Variants in DRC11 observed in about 807,000 individuals in gnomAD.
DRC11 encodes the protein dynein regulatory complex subunit 11, also known as IQ and AAA domain-containing protein 1.
chr2:236,336,230 A>G, the DRC11 span, among the ~76,000 whole-genome samples: 2 of 152,216 alleles, frequency 1.3e-5, no homozygotes, highest in African/African-American at 4.8e-5. This position sits in a 1 kb window ranked among gnomAD's most constrained non-coding sequence, Gnocchi z 7.3. Flanking sequence ...GTGGCTAATA[A>G]GCTAGCTGTT....
chr2:236,380,961 A>G, the DRC11 span, among the ~76,000 whole-genome samples: 3 of 152,208 alleles, frequency 2.0e-5, no homozygotes, highest in Non-Finnish European at 2.9e-5. The surrounding 1 kb of genome is among the most constrained non-coding windows in gnomAD (Gnocchi z 4.9). Flanking sequence ...TGCCGTGTGC[A>G]CATACAGGAG....
the DRC11 span, chr2:236,331,302 G>A: frequency 2.5e-6 from 3 of 1,210,474 alleles, no homozygotes; most frequent in Non-Finnish European, 3.7e-6. This position sits in a 1 kb window ranked among gnomAD's most constrained non-coding sequence, Gnocchi z 4.8. Flanking sequence ...TGCAGAGGGA[G>A]GAGGCAGCGT....
chr2:236,416,632 A>G, the DRC11 span, among the ~76,000 whole-genome samples: 10 of 148,856 alleles, frequency 6.7e-5, no homozygotes, highest in Non-Finnish European at 1.3e-4. Flanking sequence ...TGTGAAAGGA[A>G]CCACTGCCTT....
the DRC11 span, among the ~76,000 whole-genome samples, chr2:236,472,053 T>G: frequency 1.3e-5 from 2 of 151,884 alleles, no homozygotes; most frequent in Non-Finnish European, 2.9e-5. This position sits in a 1 kb window ranked among gnomAD's most constrained non-coding sequence, Gnocchi z 4.6. Flanking sequence ...AAACCAGAGG[T>G]TCCCAAGTAA....
the DRC11 span, among the ~76,000 whole-genome samples, chr2:236,385,287 C>T: frequency 6.8e-6 from 1 of 146,376 alleles, no homozygotes; most frequent in Non-Finnish European, 1.5e-5. Context: ...TTCTTCCTAC[C>T]CATGAGCATG....
chr2:236,352,563 G>A, the DRC11 span, among the ~76,000 whole-genome samples: 1 of 152,138 alleles, frequency 6.6e-6, no homozygotes, highest in Non-Finnish European at 1.5e-5. This position sits in a 1 kb window ranked among gnomAD's most constrained non-coding sequence, Gnocchi z 7.0. Flanking sequence ...AGAGTTTGTG[G>A]AAAAGCAGTG....
chr2:236,473,950 T>C, the DRC11 span, among the ~76,000 whole-genome samples: 1 of 152,178 alleles, frequency 6.6e-6, no homozygotes, highest in Non-Finnish European at 1.5e-5. This position sits in a 1 kb window ranked among gnomAD's most constrained non-coding sequence, Gnocchi z 4.8. Context: ...GATAAGTCAA[T>C]GATTTCTACA....
chr2:236,489,603 A>T, the DRC11 span, among the ~76,000 whole-genome samples: 3 of 152,222 alleles, frequency 2.0e-5, no homozygotes, highest in Middle Eastern at 3.4e-3. Flanking sequence ...ATGGAAGCAG[A>T]AGGGACAGAT....
At chr2:236,379,250 C>A in the DRC11 span, among the ~76,000 whole-genome samples, 2 of 143,754 alleles carry the variant, frequency 1.4e-5, no homozygotes, top group South Asian at 4.5e-4. Flanking sequence ...CTAAGGGAAG[C>A]GGAGGGAACC....
chr2:236,472,987 G>C, the DRC11 span, among the ~76,000 whole-genome samples: 1 of 152,088 alleles, frequency 6.6e-6, no homozygotes, highest in African/African-American at 2.4e-5. This position sits in a 1 kb window ranked among gnomAD's most constrained non-coding sequence, Gnocchi z 4.6. Flanking sequence ...GGACATGTAG[G>C]GAACAGCCCT....
At chr2:236,454,594 T>A in the DRC11 span, 1 of 152,210 alleles carries the variant, frequency 6.6e-6, no homozygotes, top group Non-Finnish European at 1.5e-5. The surrounding 1 kb of genome is among the most constrained non-coding windows in gnomAD (Gnocchi z 5.3). Flanking sequence ...TCAGTCTCCC[T>A]CTGTCTTTCT....
At chr2:236,323,646 T>G in the DRC11 span, among the ~76,000 whole-genome samples, 2 of 152,212 alleles carry the variant, frequency 1.3e-5, no homozygotes, top group Admixed American at 6.5e-5. The surrounding 1 kb of genome is among the most constrained non-coding windows in gnomAD (Gnocchi z 6.4). Flanking sequence ...AAAACCTGGA[T>G]GCCTGACCTG....
At chr2:236,343,507 C>T in the DRC11 span, among the ~76,000 whole-genome samples, 1 of 152,188 alleles carries the variant, frequency 6.6e-6, no homozygotes, top group Non-Finnish European at 1.5e-5. This position sits in a 1 kb window ranked among gnomAD's most constrained non-coding sequence, Gnocchi z 6.6. Flanking sequence ...TCACTGCTGG[C>T]CTGAGTTCCA....
chr2:236,420,396 T>A, the DRC11 span, among the ~76,000 whole-genome samples: 1 of 152,038 alleles, frequency 6.6e-6, no homozygotes, highest in Non-Finnish European at 1.5e-5. The surrounding 1 kb of genome is among the most constrained non-coding windows in gnomAD (Gnocchi z 4.8). Flanking sequence ...CATACTCCAG[T>A]CTCAGGTACA....
chr2:236,379,076 A>C, the DRC11 span, among the ~76,000 whole-genome samples: 1,122 of 152,296 alleles, frequency 7.4e-3, 17 homozygotes, highest in African/African-American at 0.025. Flanking sequence ...CCTGGAGGCC[A>C]CAGATGCCCA....
chr2:236,361,515 T>C, the DRC11 span, among the ~76,000 whole-genome samples: 1 of 152,160 alleles, frequency 6.6e-6, no homozygotes, highest in Non-Finnish European at 1.5e-5. This position sits in a 1 kb window ranked among gnomAD's most constrained non-coding sequence, Gnocchi z 5.7. Flanking sequence ...ATGTAAAATG[T>C]ATAATAAGAA....
the DRC11 span, among the ~76,000 whole-genome samples, chr2:236,384,094 T>C: frequency 6.6e-6 from 1 of 152,076 alleles, no homozygotes. Context: ...TTCCAAGTCT[T>C]TGCTATTGTG....
At chr2:236,371,674 C>T in the DRC11 span, among the ~76,000 whole-genome samples, 137 of 152,294 alleles carry the variant, frequency 9.0e-4, no homozygotes, top group African/African-American at 3.2e-3. This position sits in a 1 kb window ranked among gnomAD's most constrained non-coding sequence, Gnocchi z 5.1. Flanking sequence ...AGGTGTCTCA[C>T]GTCATTTTTG....
the DRC11 span, among the ~76,000 whole-genome samples, chr2:236,382,462 A>C: frequency 6.6e-6 from 1 of 152,178 alleles, no homozygotes; most frequent in East Asian, 1.9e-4. Flanking sequence ...TTTTAGAATA[A>C]ATTTGTCTAT....
Sources: gnomAD v4.1 joint callset for allele counts (sites outside exome capture counted in the v4.1 genomes callset) on GRCh38, gnomAD v4.1.1 for gene constraint, Gnocchi (gnomAD v3.1) non-coding constraint, MANE v1.5 for transcripts, NCBI Gene and HGNC (gene_info 2026-07-23, HGNC 2026-07-21) for gene names.